AGBL4: variants seen among roughly 807,000 people sequenced by gnomAD.
AGBL4 encodes the protein AGBL carboxypeptidase 4.
AGBL4 carries 58 observed loss-of-function variants against 66.4 expected under a neutral mutation model. That is an observed-to-expected ratio of 0.87 (90% CI 0.71 to 1.09). The LOEUF is 1.09. Among genes scored for constraint, AGBL4 ranks in the 50% least tolerant of loss-of-function variants. The probability of loss-of-function intolerance (pLI) is 0.00; values close to 1 mark genes in which losing one functional copy is unlikely to be tolerated. For missense variants in AGBL4, 579 were observed against 631.0 expected (o/e 0.92, Z 0.88); for synonymous variants, 234 against 222.9 (o/e 1.05, Z -0.44).
At chr1:49,786,644 C>A (rs1276176050) in intron 2 of AGBL4, among the ~76,000 whole-genome samples, 1 of 152,144 alleles carries the variant, frequency 6.6e-6, no homozygotes, top group Non-Finnish European at 1.5e-5. Flanking sequence ...TGAATTGTAT[C>A]TTTACCTAAG....
At chr1:49,207,432 CTTTCTTTCTT>C (rs1648243530) in intron 4 of AGBL4, among the ~76,000 whole-genome samples, 1 of 137,786 alleles carries the variant, frequency 7.3e-6, no homozygotes, top group Non-Finnish European at 1.6e-5. Flanking sequence ...TGAGTATCTC[CTTTCTTTCTT>C]TTTCTTTCTT....
chr1:49,208,856 G>A (rs769743888), intron 4 of AGBL4, among the ~76,000 whole-genome samples: 8 of 152,118 alleles, frequency 5.3e-5, no homozygotes, highest in Admixed American at 2.6e-4. Context: ...GCTCTTACCG[G>A]AACCACACAT....
chr1:49,917,617 T>C (rs183868558), intron 1 of AGBL4, among the ~76,000 whole-genome samples: 7 of 152,092 alleles, frequency 4.6e-5, no homozygotes, highest in Admixed American at 1.3e-4. Flanking sequence ...AGACTTAGAC[T>C]CCCACACAAT....
chr1:49,741,475 A>G (rs1177343850), intron 2 of AGBL4, among the ~76,000 whole-genome samples: 3 of 152,194 alleles, frequency 2.0e-5, no homozygotes, highest in African/African-American at 7.2e-5. Context: ...CAGAGGTACA[A>G]GAGGAGATGG....
chr1:49,946,581 G>C (rs1329394507), intron 1 of AGBL4, among the ~76,000 whole-genome samples: 1 of 151,860 alleles, frequency 6.6e-6, no homozygotes, highest in Non-Finnish European at 1.5e-5. Context: ...AAATATCATA[G>C]CCCTAAACAC....
chr1:49,735,554 T>C (rs542221797), intron 2 of AGBL4, among the ~76,000 whole-genome samples: 2 of 152,174 alleles, frequency 1.3e-5, no homozygotes, highest in East Asian at 1.9e-4. Context: ...AAAAAATGCA[T>C]GTTGTTTTAA....
At chr1:49,479,169 G>A (rs1646903523) in intron 3 of AGBL4, among the ~76,000 whole-genome samples, 1 of 151,972 alleles carries the variant, frequency 6.6e-6, no homozygotes, top group African/African-American at 2.4e-5. Context: ...ATTAAGTAAT[G>A]CTGTAGGATA....
At chr1:49,467,878 A>G (rs1488794694) in intron 3 of AGBL4, among the ~76,000 whole-genome samples, 5 of 151,840 alleles carry the variant, frequency 3.3e-5, no homozygotes, top group Admixed American at 3.3e-4. Context: ...ATTTGGGTGG[A>G]CTTTATGCTA....
chr1:49,484,723 T>C lies in AGBL4; in HGVS notation c.282+212590A>G, dbSNP rs551444025. ...ACTATAGTCAATAATAATTTAATTGTACATTTAAAGATAACAAAAAGAGTA... is the reference window on the plus strand; with the variant it reads ...ACTATAGTCAATAATAATTTAATTGCACATTTAAAGATAACAAAAAGAGTA... On this transcript the variant is annotated intron_variant, in intron 3 of 13. Transcript: ENST00000371839. Among the ~76,000 whole-genome samples the C allele has an allele frequency of 1.2e-4, 18 of 152,092 alleles. No homozygotes were observed. The South Asian group carries it at 3.7e-3, about 32-fold the overall frequency.
At chr1:48,674,565 G>T (rs919919485) in intron 6 of AGBL4, among the ~76,000 whole-genome samples, 13 of 152,012 alleles carry the variant, frequency 8.6e-5, no homozygotes, top group Non-Finnish European at 1.2e-4. Flanking sequence ...CATGACCTTA[G>T]GTATGGCTGT....
intron 5 of AGBL4, among the ~76,000 whole-genome samples, chr1:48,894,718 A>G (rs1557434360): frequency 6.6e-6 from 1 of 152,186 alleles, no homozygotes; most frequent in African/African-American, 2.4e-5. Context: ...TGAAAACATG[A>G]ATCTCCATTA....
intron 3 of AGBL4, among the ~76,000 whole-genome samples, chr1:49,485,523 G>A (rs1307203281): frequency 6.7e-6 from 1 of 150,372 alleles, no homozygotes; most frequent in South Asian, 2.1e-4. Context: ...TGAGTTAATG[G>A]GTGCAGCACA....
intron 3 of AGBL4, among the ~76,000 whole-genome samples, chr1:49,391,550 G>C (rs900649474): frequency 2.4e-5 from 3 of 124,390 alleles, no homozygotes; most frequent in African/African-American, 9.1e-5. Flanking sequence ...ATAACCATGA[G>C]TTTTTTTTTT....
At chr1:48,565,891 A>G (rs773021793) in intron 11 of AGBL4, among the ~76,000 whole-genome samples, 3 of 152,168 alleles carry the variant, frequency 2.0e-5, no homozygotes, top group Non-Finnish European at 2.9e-5. Context: ...AGGGAGGAGA[A>G]GTTCTTGGCC....
At chr1:49,860,668 C>T (rs1474858227) in intron 1 of AGBL4, among the ~76,000 whole-genome samples, 4 of 151,918 alleles carry the variant, frequency 2.6e-5, no homozygotes, top group Admixed American at 6.6e-5. Flanking sequence ...CACTGCACTC[C>T]AGCCTGAGTG....
At chr1:49,845,950 C>A in intron 2 of AGBL4, 1 of 1,529,594 alleles carries the variant, frequency 6.5e-7, no homozygotes, top group Non-Finnish European at 9.0e-7. Flanking sequence ...CATTCAGCCA[C>A]AGCTTGTCCC....
intron 6 of AGBL4, among the ~76,000 whole-genome samples, chr1:48,726,087 C>A (rs1647253180): frequency 6.6e-6 from 1 of 152,202 alleles, no homozygotes; most frequent in African/African-American, 2.4e-5. Context: ...AGTGGCGAAT[C>A]CAGGATTTAA....
At chr1:49,793,596 CATA>C (rs1644657882) in intron 2 of AGBL4, among the ~76,000 whole-genome samples, 1 of 151,860 alleles carries the variant, frequency 6.6e-6, no homozygotes, top group South Asian at 2.1e-4. Context: ...TAGGTCTCAA[CATA>C]ATGATGGGGA....
chr1:48,920,066 G>C (rs548204622), intron 5 of AGBL4, among the ~76,000 whole-genome samples: 1 of 152,258 alleles, frequency 6.6e-6, no homozygotes, highest in South Asian at 2.1e-4. Context: ...AAAAAGAAGG[G>C]GCAGACTCTT....
Sources: allele counts gnomAD v4.1 joint callset (sites outside exome capture counted in the v4.1 genomes callset), GRCh38; gene constraint gnomAD v4.1.1; transcripts MANE v1.5; gene names NCBI Gene and HGNC (gene_info 2026-07-23, HGNC 2026-07-21).